The following WDR54 variants were observed in gnomAD, a reference collection of about 807,000 sequenced individuals.
WDR54 encodes the protein WD repeat domain 54, also known as WD repeat-containing protein 54.
WDR54 carries 44 observed loss-of-function variants against 44.1 expected under a neutral mutation model. The ratio of observed to expected loss-of-function variants is 1.00; its 90% CI spans 0.78 to 1.28. The LOEUF (loss-of-function observed/expected upper bound fraction) is 1.28. Ranked by LOEUF, WDR54 falls within the 50% of genes most tolerant of loss-of-function variation. The pLI, the probability that WDR54 is intolerant of heterozygous loss-of-function variation, is 0.00. For synonymous variants in WDR54, 169 were observed against 169.8 expected, an observed-to-expected ratio of 1.00 and a Z score of 0.04; for missense variants, 409 against 429.7, an observed-to-expected ratio of 0.95 and a Z score of 0.43.
rs373600159 is a variant in WDR54, at chr2:74,423,964, C to T, written c.516C>T (p.Thr172=). 105 of 1,614,112 alleles carry T rather than the reference C, an allele frequency of 6.5e-5. No homozygotes were observed. Among genetic ancestry groups the T allele is most frequent in the East Asian group, 3.8e-4 (17 of 44,870 alleles). The change falls in exon 6 of 10, where the codon ACC becomes ACT. Residue 172 remains threonine (T), a synonymous_variant. Coordinates refer to ENST00000348227, the MANE Select transcript of WDR54 (RefSeq NM_032118.4). Reference sequence around the variant, plus strand: ...AGATGCCAATCACAGACATTGCCACCGAGCCTGCCCAGGGACAGGTGAGTG... The same window carrying T: ...AGATGCCAATCACAGACATTGCCACTGAGCCTGCCCAGGGACAGGTGAGTG... ...GHQMPITDIA[T]EPAQGQDCVA... is the part of the protein sequence containing the mutation.
At position 74,421,755 on chromosome 2, in the gene WDR54, TG is replaced by T; in HGVS notation, c.-61del. Reference sequence around the variant, plus strand: ...GTGCGTACGTGCGTCGTCTCTATGGTGGCGGCGGATTTGGAGGGACCCTACG... The same window carrying T: ...GTGCGTACGTGCGTCGTCTCTATGGTGCGGCGGATTTGGAGGGACCCTACG... On this transcript the variant is annotated 5_prime_UTR_variant, in exon 1 of 10. Transcript: ENST00000348227. 1 of 641,952 alleles carries T rather than the reference TG, an allele frequency of 1.6e-6. No individual in the cohort carries two copies. The highest frequency in any genetic ancestry group is 2.9e-6 in the Non-Finnish European group (1 of 349,454). The allele number at this position is 641,952 out of a possible 1,614,324, so 39.8% of individuals were successfully genotyped here.
chr2:74,424,083 T>C, intron 6 of WDR54, 101 bp downstream of exon 6: 1 of 1,471,094 alleles, frequency 6.8e-7, no homozygotes, highest in Non-Finnish European at 9.2e-7. Flanking sequence ...GTGGATGGCT[T>C]TGGGCAAATC....
chr2:74,422,049 C>T, intron 1 of WDR54, 104 bp from the exon 2 acceptor site: 1 of 1,216,582 alleles, frequency 8.2e-7, no homozygotes, highest in Non-Finnish European at 1.2e-6. Context: ...ATCCTATGAC[C>T]CAGTCTCAGG....
rs377544364 is a variant in WDR54, at chr2:74,422,352, G to A, written c.199G>A (p.Val67Met). The A allele has an allele frequency of 5.0e-6, 8 of 1,613,790 alleles. No individual in the cohort carries two copies. In the African/African-American group the frequency reaches 1.1e-4, roughly 22 times the overall value. Residue 67 changes from valine (V) to methionine (M), a missense_variant, in exon 2 of 10, where the codon GTG (valine) becomes ATG (methionine). Coordinates refer to ENST00000348227, the MANE Select transcript of WDR54 (RefSeq NM_032118.4). ...GCTCCACGCTAAGGAGGGTGCTGGA[G>A]TGAGTCCCCCACTTATCACTCAGGT... ...RQLHAKEGAG[V>M]SPPLITQVHW...
rs746957759 is a variant in WDR54 at position 74,425,243 on chromosome 2, TCTC to T, written c.798+13_798+15del. 1.3e-6 allele frequency: 2 copies of T among 1,530,918 alleles called. No homozygotes were observed. The highest frequency in any genetic ancestry group is 2.6e-5 in the South Asian group (2 of 77,270). The allele number at this position is 1,530,918 out of a possible 1,614,324, so 94.8% of individuals were successfully genotyped here. A position where few individuals can be genotyped will look rare whatever the true frequency, so the allele number is the denominator to read the frequency against. On this transcript the variant is annotated splice_region_variant and intron_variant, in intron 8 of 9. Coordinates refer to ENST00000348227, the MANE Select transcript of WDR54 (RefSeq NM_032118.4). ...TGGCTTCTGAGGTGGGCAAGGTAAG[TCTC>T]CTCCTCTGTACCTACATACCCTTTT...
chr2:74,424,084 TG>T, intron 6 of WDR54, 102 bp downstream of exon 6: 1 of 1,449,884 alleles, frequency 6.9e-7, no homozygotes, highest in Non-Finnish European at 9.4e-7. Context: ...TGGATGGCTT[TG>T]GGCAAATCTA....
chr2:74,425,356 G>T, intron 8 of WDR54, 61 bp from the exon 9 acceptor site: 1 of 1,603,498 alleles, frequency 6.2e-7, no homozygotes, highest in Non-Finnish European at 8.5e-7. Context: ...CCTGGACTGG[G>T]GATTCCAGCT....
Position 74,423,890 on chromosome 2 carries a change from C to T in WDR54, c.442C>T (p.Pro148Ser). The T allele has an allele frequency of 6.2e-7, 1 of 1,614,068 alleles. No individual in the cohort carries two copies. The stretch of plus-strand genomic sequence containing the variant: ...AGGCCGGGTGCTGGTGTTTGACATC[C>T]CAGCAAAGGGTCCCAACATTGTACT... Reference protein sequence around the residue: ...WSGRVLVFDIPAKGPNIVLSE... With the variant: ...WSGRVLVFDISAKGPNIVLSE... Residue 148 changes from proline to serine, a missense_variant, in exon 6 of 10, where the codon CCA becomes TCA. By Grantham distance (74) the Pro-to-Ser change is moderately conservative. Coordinates refer to ENST00000348227, the MANE Select transcript of WDR54 (RefSeq NM_032118.4).
intron 2 of WDR54, 122 bp from the exon 3 acceptor site, chr2:74,422,748 G>A (rs1354330115): frequency 1.1e-6 from 1 of 905,616 alleles, no homozygotes; most frequent in African/African-American, 1.7e-5. Flanking sequence ...AGCCGAGATG[G>A]CGCCACTGCA....
At chr2:74,422,458 G>T (rs1012881192) in intron 2 of WDR54, 83 bp downstream of exon 2, 3 of 1,432,112 alleles carry the variant, frequency 2.1e-6, no homozygotes, top group Admixed American at 4.4e-5. Flanking sequence ...GAGCAGGCAT[G>T]TCCTAACCTC....
Position 74,425,596 on chromosome 2 carries a change from C to T in WDR54, c.900C>T (p.Val300=), listed in dbSNP as rs145348729. 2.2e-4 allele frequency: 354 copies of T among 1,614,186 alleles called. No individual in the cohort carries two copies. The highest frequency in any genetic ancestry group is 3.5e-4 in the Admixed American group (21 of 60,026). ...IEVEHCHGEC[V]ADTQLCGARF... ...TGGAACACTGTCATGGTGAGTGTGT[C>T]GCCGACACCCAGCTGTGTGGTGCTC... is the stretch of plus-strand genomic sequence containing the variant. The change falls in exon 10 of 10, where the codon GTC becomes GTT. Residue 300 remains valine (V), a synonymous_variant. Transcript: ENST00000348227.
At chr2:74,423,630 GA>G in intron 5 of WDR54, 99 bp downstream of exon 5, 1 of 1,525,056 alleles carries the variant, frequency 6.6e-7, no homozygotes, top group South Asian at 1.2e-5. Context: ...AAGTTAGAGG[GA>G]AGGGTGGAAG....
Position 74,423,946 on chromosome 2 carries a change from A to C in WDR54, c.498A>C (p.Pro166=). The part of the protein sequence containing the change: ...LSEELAGHQM[P]ITDIATEPAQ... ...AGGAGCTGGCTGGGCACCAGATGCC[A>C]ATCACAGACATTGCCACCGAGCCTG... Residue 166 remains proline (P), a synonymous_variant, in exon 6 of 10, where the codon CCA becomes CCC. Coordinates refer to ENST00000348227, the MANE Select transcript of WDR54 (RefSeq NM_032118.4). 6.2e-7 allele frequency: 1 copy of C among 1,614,102 alleles called. No homozygotes were observed. Among genetic ancestry groups the C allele is most frequent in the African/African-American group, 1.3e-5 (1 of 75,022 alleles).
At position 74,422,671 on chromosome 2, in the gene WDR54, T is replaced by C. The variant is rs1670169554; in HGVS notation, c.223-199T>C. ...AACCGGGTGTGGTGGCGTGCACCTG[T>C]AATCCCAGCTACTTGGGTGGCTGAG... On this transcript the variant is annotated intron_variant, in intron 2 of 9. Coordinates refer to ENST00000348227, the MANE Select transcript of WDR54 (RefSeq NM_032118.4). 4 of 621,350 alleles carry C rather than the reference T, an allele frequency of 6.4e-6. No individual in the cohort carries two copies. In the South Asian group the frequency reaches 8.0e-5, roughly 12 times the overall value. 38.5% of individuals were successfully genotyped at this position (621,350 alleles called of 1,614,324 possible).
chr2:74,423,698 G>T (rs895227389), intron 5 of WDR54, 157 bp from the exon 6 acceptor site: 41 of 1,428,388 alleles, frequency 2.9e-5, no homozygotes, highest in Non-Finnish European at 3.8e-5. Flanking sequence ...GTCAGGGTGG[G>T]ATAAGACAAG....
Position 74,421,780 on chromosome 2 carries a change from C to T in WDR54, c.-38C>T. On this transcript the variant is annotated 5_prime_UTR_variant, in exon 1 of 10. It adds an upstream start codon to the 5' untranslated region. Coordinates refer to ENST00000348227, the MANE Select transcript of WDR54 (RefSeq NM_032118.4). ...TGGCGGCGGATTTGGAGGGACCCTA[C>T]GAACCAGGAGTCAGGCGAGCCGATC... 2 of 667,768 alleles carry T rather than the reference C, an allele frequency of 3.0e-6. No individual in the cohort carries two copies. Among genetic ancestry groups the T allele is most frequent in the Non-Finnish European group, 5.5e-6 (2 of 361,854 alleles). The allele number at this position is 667,768 out of a possible 1,614,324, so 41.4% of individuals were successfully genotyped here. A position where few individuals can be genotyped will look rare whatever the true frequency, so the allele number is the denominator to read the frequency against.
rs762463091 is a variant in WDR54 at position 74,422,868 on chromosome 2, A to G, written c.223-2A>G. On this transcript the variant is annotated splice_acceptor_variant, in intron 2 of 9. Transcript: ENST00000348227. LOFTEE classifies it high-confidence loss of function. ...TCCCTACACTGATGCACCTCCCTCCAGGTCCACTGGTGTGTCCTCCCCTTC... is the reference window on the plus strand; with the variant it reads ...TCCCTACACTGATGCACCTCCCTCCGGGTCCACTGGTGTGTCCTCCCCTTC... 19 of 1,612,752 alleles carry G rather than the reference A, an allele frequency of 1.2e-5. No individual in the cohort carries two copies. The highest frequency in any genetic ancestry group is 1.6e-5 in the Non-Finnish European group (19 of 1,179,698).
Position 74,425,685 on chromosome 2 carries a change from G to C in WDR54, c.989G>C (p.Arg330Thr). ...GGCTATGACCTTGCGGAGATCCGGA[G>C]ATTCAGCAGTGTGTGAGAAGAGCAG... The part of the protein sequence containing the change: ...VTGYDLAEIR[R>T]FSSV Residue 330 changes from arginine to threonine, a missense_variant, in exon 10 of 10, where the codon AGA becomes ACA. Physicochemically the swap from Arg to Thr is moderately conservative, Grantham distance 71 (BLOSUM62 -1). Transcript: ENST00000348227. 1 of 1,614,206 alleles carries C rather than the reference G, an allele frequency of 6.2e-7. No individual in the cohort carries two copies. The highest frequency in any genetic ancestry group is 1.1e-5 in the South Asian group (1 of 91,070).
Position 74,422,866 on chromosome 2 carries a change from C to G in WDR54, c.223-4C>G. ...TCTCCCTACACTGATGCACCTCCCT[C>G]CAGGTCCACTGGTGTGTCCTCCCCT... On this transcript the variant is annotated splice_polypyrimidine_tract_variant and splice_region_variant and intron_variant, in intron 2 of 9. Transcript: ENST00000348227. The G allele has an allele frequency of 6.2e-7, 1 of 1,613,896 alleles. No individual in the cohort carries two copies. Among genetic ancestry groups the G allele is most frequent in the Non-Finnish European group, 8.5e-7 (1 of 1,179,838 alleles).
Sources: gnomAD v4.1 joint callset for allele counts on GRCh38, gnomAD v4.1.1 for gene constraint, MANE v1.5 for transcripts, NCBI Gene and HGNC (gene_info 2026-07-23, HGNC 2026-07-21) for gene names.